Variants in AKR1C8 observed in about 807,000 individuals in gnomAD.
The protein encoded by AKR1C8 is aldo-keto reductase family 1 member C-like protein 1.
chr10:5,169,328 C>T, the AKR1C8 span, among the ~76,000 whole-genome samples: 1 of 152,132 alleles, frequency 6.6e-6, no homozygotes, highest in African/African-American at 2.4e-5. Flanking sequence ...TTGTTTCTCG[C>T]TACTTCCTGC....
the AKR1C8 span, among the ~76,000 whole-genome samples, chr10:5,141,772 AC>A: frequency 6.6e-6 from 1 of 152,124 alleles, no homozygotes; most frequent in Non-Finnish European, 1.5e-5. Context: ...TAAACAGTAG[AC>A]TTGAAATATT....
At chr10:5,176,885 C>A in the AKR1C8 span, among the ~76,000 whole-genome samples, 1 of 151,844 alleles carries the variant, frequency 6.6e-6, no homozygotes, top group Non-Finnish European at 1.5e-5. Flanking sequence ...TGGGCTGAGA[C>A]GATGGGGTTT....
the AKR1C8 span, among the ~76,000 whole-genome samples, chr10:5,124,408 G>T: frequency 6.6e-6 from 1 of 152,084 alleles, no homozygotes; most frequent in Non-Finnish European, 1.5e-5. Flanking sequence ...TAATTAAAGG[G>T]AAAGAGTTAA....
At chr10:5,133,632 G>T in the AKR1C8 span, among the ~76,000 whole-genome samples, 3 of 152,138 alleles carry the variant, frequency 2.0e-5, no homozygotes, top group Non-Finnish European at 4.4e-5. Flanking sequence ...CCCAGTCTGT[G>T]TACCACACAC....
the AKR1C8 span, among the ~76,000 whole-genome samples, chr10:5,140,703 G>A: frequency 2.6e-5 from 4 of 151,910 alleles, no homozygotes; most frequent in Non-Finnish European, 5.9e-5. Flanking sequence ...TGTAAATGAC[G>A]AGTTAATGGG....
At chr10:5,119,071 A>G in the AKR1C8 span, among the ~76,000 whole-genome samples, 2 of 152,184 alleles carry the variant, frequency 1.3e-5, no homozygotes, top group South Asian at 4.1e-4. Flanking sequence ...CACTCCTTAC[A>G]TGGTTTGTTT....
At chr10:5,183,474 A>G in the AKR1C8 span, among the ~76,000 whole-genome samples, 2 of 152,184 alleles carry the variant, frequency 1.3e-5, no homozygotes, top group Non-Finnish European at 2.9e-5. Context: ...AATAGCCCAA[A>G]TTATTTCTTC....
At chr10:5,131,582 G>A in the AKR1C8 span, among the ~76,000 whole-genome samples, 567 of 152,050 alleles carry the variant, frequency 3.7e-3, 7 homozygotes, top group African/African-American at 0.013. Context: ...ATGAAAAAAG[G>A]TTCAACATTA....
the AKR1C8 span, among the ~76,000 whole-genome samples, chr10:5,147,253 T>C: frequency 2.6e-5 from 4 of 152,154 alleles, no homozygotes; most frequent in African/African-American, 9.7e-5. Context: ...ACCAAGCCAC[T>C]CATGATGGAT....
chr10:5,141,214 T>A, the AKR1C8 span, among the ~76,000 whole-genome samples: 1 of 152,150 alleles, frequency 6.6e-6, no homozygotes, highest in Non-Finnish European at 1.5e-5. Context: ...TTTTGTGCAT[T>A]CATATGAAGG....
chr10:5,141,771 G>T, the AKR1C8 span, among the ~76,000 whole-genome samples: 5 of 152,092 alleles, frequency 3.3e-5, no homozygotes, highest in African/African-American at 7.2e-5. Flanking sequence ...TTAAACAGTA[G>T]ACTTGAAATA....
the AKR1C8 span, among the ~76,000 whole-genome samples, chr10:5,184,297 T>G: frequency 0.018 from 2,684 of 152,278 alleles, 76 homozygotes; most frequent in African/African-American, 0.061. Context: ...CTTATTAAAC[T>G]TTCACTCCAA....
chr10:5,121,033 A>G, the AKR1C8 span, among the ~76,000 whole-genome samples: 1 of 151,862 alleles, frequency 6.6e-6, no homozygotes, highest in East Asian at 1.9e-4. Flanking sequence ...CTCTACAACA[A>G]TCCAGGTTTT....
At chr10:5,139,576 G>A in the AKR1C8 span, among the ~76,000 whole-genome samples, 1 of 152,284 alleles carries the variant, frequency 6.6e-6, no homozygotes, top group South Asian at 2.1e-4. Context: ...AATAAATGGT[G>A]CTGGGAAAAC....
chr10:5,124,182 G>A, the AKR1C8 span, among the ~76,000 whole-genome samples: 5 of 152,100 alleles, frequency 3.3e-5, no homozygotes, highest in African/African-American at 9.7e-5. Flanking sequence ...AGACTCATGA[G>A]GCCAGGTTTA....
chr10:5,143,754 T>C, the AKR1C8 span, among the ~76,000 whole-genome samples: 4 of 148,564 alleles, frequency 2.7e-5, no homozygotes, highest in Admixed American at 1.3e-4. Context: ...TATATCTATA[T>C]ATATTTTAGA....
chr10:5,140,834 T>A, the AKR1C8 span, among the ~76,000 whole-genome samples: 95,359 of 145,866 alleles, frequency 0.65, 30,727 homozygotes, highest in East Asian at 1. Context: ...AAGTATAATT[T>A]AAAAAAAGAA....
chr10:5,182,880 A>G, the AKR1C8 span, among the ~76,000 whole-genome samples: 3 of 151,864 alleles, frequency 2.0e-5, no homozygotes, highest in Non-Finnish European at 4.4e-5. Flanking sequence ...ATTGCACTCC[A>G]GCCTGGGCAG....
At chr10:5,134,752 T>C in the AKR1C8 span, among the ~76,000 whole-genome samples, 1 of 152,146 alleles carries the variant, frequency 6.6e-6, no homozygotes, top group Non-Finnish European at 1.5e-5. Flanking sequence ...TGTTCGATCA[T>C]GTATACTTGG....
Sources: allele counts gnomAD v4.1 joint callset (sites outside exome capture counted in the v4.1 genomes callset), GRCh38; gene constraint gnomAD v4.1.1; transcripts MANE v1.5; gene names NCBI Gene and HGNC (gene_info 2026-07-23, HGNC 2026-07-21).